Variants in DRC11 observed in about 807,000 individuals in gnomAD.
DRC11 encodes the protein dynein regulatory complex subunit 11.
At chr2:236,352,898 A>T in the DRC11 span, among the ~76,000 whole-genome samples, 1 of 152,160 alleles carries the variant, frequency 6.6e-6, no homozygotes, top group Non-Finnish European at 1.5e-5. This position sits in a 1 kb window ranked among gnomAD's most constrained non-coding sequence, Gnocchi z 7.0. Context: ...GACTGCCAGG[A>T]GAGGCTTCCA....
the DRC11 span, among the ~76,000 whole-genome samples, chr2:236,312,144 A>G: frequency 1.2e-4 from 18 of 152,202 alleles, no homozygotes; most frequent in Admixed American, 9.2e-4. Flanking sequence ...GGACATATAG[A>G]GATAAGGATT....
At chr2:236,383,649 T>G in the DRC11 span, among the ~76,000 whole-genome samples, 339 of 150,326 alleles carry the variant, frequency 2.3e-3, 2 homozygotes, top group African/African-American at 8.1e-3. Context: ...TTTTTTTTTG[T>G]TTTGTTTTTA....
the DRC11 span, among the ~76,000 whole-genome samples, chr2:236,448,419 C>A: frequency 3.3e-5 from 5 of 152,054 alleles, no homozygotes; most frequent in African/African-American, 1.2e-4. This position sits in a 1 kb window ranked among gnomAD's most constrained non-coding sequence, Gnocchi z 5.3. Context: ...ACTCTGTCGC[C>A]CGGGCTGGAG....
the DRC11 span, among the ~76,000 whole-genome samples, chr2:236,349,794 G>A: frequency 1.6e-4 from 24 of 152,104 alleles, no homozygotes; most frequent in Admixed American, 1.5e-3. The surrounding 1 kb of genome is among the most constrained non-coding windows in gnomAD (Gnocchi z 5.5). Flanking sequence ...ATGCCTGGGC[G>A]ATGAAATAAT....
At chr2:236,329,915 C>T in the DRC11 span, among the ~76,000 whole-genome samples, 2 of 152,114 alleles carry the variant, frequency 1.3e-5, no homozygotes, top group South Asian at 2.1e-4. Flanking sequence ...TGTGATCAGA[C>T]CTCAAGCACC....
the DRC11 span, among the ~76,000 whole-genome samples, chr2:236,489,457 A>ATGCTGGGGCCTG: frequency 8.9e-6 from 1 of 112,164 alleles, no homozygotes; most frequent in African/African-American, 3.3e-5. Flanking sequence ...GCTGGGGCCT[A>ATGCTGGGGCCTG]TGTGGGCTCC....
At chr2:236,353,527 C>T in the DRC11 span, among the ~76,000 whole-genome samples, 5 of 152,002 alleles carry the variant, frequency 3.3e-5, no homozygotes, top group Admixed American at 1.3e-4. The surrounding 1 kb of genome is among the most constrained non-coding windows in gnomAD (Gnocchi z 5.0). Context: ...GCCCAGATGA[C>T]CCCTGGACGT....
chr2:236,493,126 A>G, the DRC11 span, among the ~76,000 whole-genome samples: 3,868 of 152,270 alleles, frequency 0.025, 163 homozygotes, highest in African/African-American at 0.086. Context: ...TGAAAGGCAC[A>G]TCTCATATGG....
the DRC11 span, among the ~76,000 whole-genome samples, chr2:236,335,868 T>C: frequency 2.6e-5 from 4 of 152,184 alleles, no homozygotes; most frequent in Non-Finnish European, 4.4e-5. The surrounding 1 kb of genome is among the most constrained non-coding windows in gnomAD (Gnocchi z 5.6). Flanking sequence ...GAGACTGTGG[T>C]GCCTGCCCGT....
the DRC11 span, among the ~76,000 whole-genome samples, chr2:236,422,515 A>G: frequency 2.0e-5 from 3 of 152,218 alleles, no homozygotes; most frequent in African/African-American, 7.2e-5. Flanking sequence ...GACCTCTTCA[A>G]GGAGAACTAC....
the DRC11 span, among the ~76,000 whole-genome samples, chr2:236,381,246 T>C: frequency 1.3e-5 from 2 of 152,222 alleles, no homozygotes; most frequent in Admixed American, 6.5e-5. The surrounding 1 kb of genome is among the most constrained non-coding windows in gnomAD (Gnocchi z 5.8). Context: ...CGCTGGTGTC[T>C]TGATCTTGGA....
the DRC11 span, among the ~76,000 whole-genome samples, chr2:236,352,252 T>C: frequency 6.6e-6 from 1 of 150,838 alleles, no homozygotes; most frequent in Non-Finnish European, 1.5e-5. The surrounding 1 kb of genome is among the most constrained non-coding windows in gnomAD (Gnocchi z 7.0). Context: ...AATGAGGAGG[T>C]CACTGGTGGC....
the DRC11 span, among the ~76,000 whole-genome samples, chr2:236,403,432 C>T: frequency 6.6e-6 from 1 of 151,436 alleles, no homozygotes; most frequent in East Asian, 1.9e-4. Flanking sequence ...TTGGAGTTGG[C>T]TTATGAGCAG....
chr2:236,312,995 T>C, the DRC11 span, among the ~76,000 whole-genome samples: 1 of 152,032 alleles, frequency 6.6e-6, no homozygotes, highest in African/African-American at 2.4e-5. Context: ...AAACTGACAC[T>C]AGAAGAAATA....
At chr2:236,409,025 G>C in the DRC11 span, 1 of 644,938 alleles carries the variant, frequency 1.6e-6, no homozygotes, top group Non-Finnish European at 2.8e-6. Context: ...GCACTTCCGA[G>C]GCAGGAAGCC....
chr2:236,500,173 C>T, the DRC11 span, among the ~76,000 whole-genome samples: 1 of 152,228 alleles, frequency 6.6e-6, no homozygotes, highest in Non-Finnish European at 1.5e-5. The surrounding 1 kb of genome is among the most constrained non-coding windows in gnomAD (Gnocchi z 6.3). Context: ...TAAGTGGTTT[C>T]CATGTAATAA....
At chr2:236,461,311 C>A in the DRC11 span, among the ~76,000 whole-genome samples, 1 of 152,144 alleles carries the variant, frequency 6.6e-6, no homozygotes, top group African/African-American at 2.4e-5. This position sits in a 1 kb window ranked among gnomAD's most constrained non-coding sequence, Gnocchi z 4.0. Flanking sequence ...ACATTGAGCA[C>A]ACAGCATATA....
chr2:236,475,370 A>G, the DRC11 span, among the ~76,000 whole-genome samples: 30 of 152,244 alleles, frequency 2.0e-4, no homozygotes, highest in African/African-American at 6.7e-4. The surrounding 1 kb of genome is among the most constrained non-coding windows in gnomAD (Gnocchi z 4.8). Flanking sequence ...TTCTTTATTC[A>G]CTTATCTGTT....
chr2:236,377,173 A>C, the DRC11 span: 1 of 1,611,294 alleles, frequency 6.2e-7, no homozygotes, highest in South Asian at 1.1e-5. This position sits in a 1 kb window ranked among gnomAD's most constrained non-coding sequence, Gnocchi z 4.9. Flanking sequence ...CCTTATACAG[A>C]GACTCGATGG....
Sources: allele counts gnomAD v4.1 joint callset (sites outside exome capture counted in the v4.1 genomes callset), GRCh38; gene constraint gnomAD v4.1.1; non-coding constraint Gnocchi (gnomAD v3.1); transcripts MANE v1.5; gene names NCBI Gene and HGNC (gene_info 2026-07-23, HGNC 2026-07-21).